IRF2: variants seen among roughly 807,000 people sequenced by gnomAD.
IRF2 encodes the protein interferon regulatory factor 2.
In IRF2, 15 loss-of-function variants were observed where a neutral mutation model predicts 40.6. That is an observed-to-expected ratio of 0.37 (90% CI 0.25 to 0.57). IRF2 has a LOEUF of 0.57. IRF2 is among the 20% of genes least tolerant of loss of function. The probability of loss-of-function intolerance (pLI) is 0.77; values close to 1 mark genes in which losing one functional copy is unlikely to be tolerated. For synonymous variants in IRF2, 151 were observed against 165.5 expected, an observed-to-expected ratio of 0.91 and a Z score of 0.67; for missense variants, 317 against 455.7, an observed-to-expected ratio of 0.70 and a Z score of 2.77.
chr4:184,442,992 C>G (rs1250612301), intron 1 of IRF2, among the ~76,000 whole-genome samples: 1 of 151,352 alleles, frequency 6.6e-6, no homozygotes, highest in Admixed American at 6.5e-5. Flanking sequence ...ATGGCACGAT[C>G]TCTGCTCACT....
At chr4:184,417,427 C>A (rs1737321554) in intron 5 of IRF2, among the ~76,000 whole-genome samples, 1 of 152,232 alleles carries the variant, frequency 6.6e-6, no homozygotes, top group Non-Finnish European at 1.5e-5. Flanking sequence ...TCTCTGAGAT[C>A]CCTGGGTCTG....
At chr4:184,411,440 G>A (rs997720403) in intron 5 of IRF2, among the ~76,000 whole-genome samples, 3 of 152,036 alleles carry the variant, frequency 2.0e-5, no homozygotes, top group East Asian at 1.9e-4. Flanking sequence ...TGGAGGCTAG[G>A]AGAGACTATT....
chr4:184,440,897 T>C (rs1454447665), intron 1 of IRF2, among the ~76,000 whole-genome samples: 1 of 152,144 alleles, frequency 6.6e-6, no homozygotes, highest in South Asian at 2.1e-4. Flanking sequence ...CCTACAGGGT[T>C]GGAGATCTCT....
chr4:184,415,333 T>A (rs780289637), intron 5 of IRF2, among the ~76,000 whole-genome samples: 50 of 152,340 alleles, frequency 3.3e-4, no homozygotes, highest in Non-Finnish European at 6.3e-4. Context: ...CTGAGGTGGC[T>A]CTTGACCCAC....
chr4:184,419,571 G>GAAAAAAAAAAAAAAAAAAAAAAA lies in IRF2; in HGVS notation c.88-4_88-3insTTTTTTTTTTTTTTTTTTTTTTT. 1 of 911,526 alleles carries GAAAAAAAAAAAAAAAAAAAAAAA rather than the reference G, an allele frequency of 1.1e-6. No individual in the cohort carries two copies. The highest frequency in any genetic ancestry group is 1.6e-6 in the Non-Finnish European group (1 of 619,696). The allele number at this position is 911,526 out of a possible 1,614,324, so 56.5% of individuals were successfully genotyped here. On this transcript the variant is annotated splice_polypyrimidine_tract_variant and splice_region_variant and intron_variant, in intron 2 of 8. Coordinates refer to ENST00000393593, the MANE Select transcript of IRF2 (RefSeq NM_002199.4). The stretch of plus-strand genomic sequence containing the variant: ...GGGATCTGAAAAATCTTCTTTTCCT[G>GAAAAAAAAAAAAAAAAAAAAAAA]AAAAAAAAAAAAAAAAAAAAGGTAA...
intron 6 of IRF2, among the ~76,000 whole-genome samples, chr4:184,402,664 T>C (rs1290847167): frequency 6.6e-6 from 1 of 151,840 alleles, no homozygotes; most frequent in Non-Finnish European, 1.5e-5. Context: ...CTGCAGGGGA[T>C]TGTGACAATC....
At chr4:184,440,025 G>T (rs962007508) in intron 1 of IRF2, among the ~76,000 whole-genome samples, 1 of 152,178 alleles carries the variant, frequency 6.6e-6, no homozygotes, top group Admixed American at 6.5e-5. Context: ...TTCTGAGAAA[G>T]GTCCCCACAA....
chr4:184,472,343 CTAT>C (rs1472794975), intron 1 of IRF2: 2 of 152,256 alleles, frequency 1.3e-5, no homozygotes, highest in Non-Finnish European at 2.9e-5. Flanking sequence ...AGCATCAAGA[CTAT>C]CCACCGCCTG....
intron 8 of IRF2, among the ~76,000 whole-genome samples, chr4:184,390,059 C>G (rs1427320620): frequency 6.6e-6 from 1 of 152,200 alleles, no homozygotes; most frequent in Non-Finnish European, 1.5e-5. Flanking sequence ...CATGGGAAAC[C>G]ACTAATTCAA....
chr4:184,428,668 G>C (rs751093618), intron 2 of IRF2: 1 of 472,742 alleles, frequency 2.1e-6, no homozygotes, highest in Non-Finnish European at 4.2e-6. Context: ...GTGTGGTGAC[G>C]TTTACCTGTA....
At chr4:184,416,526 T>C (rs1027863493) in intron 5 of IRF2, among the ~76,000 whole-genome samples, 15 of 152,274 alleles carry the variant, frequency 9.9e-5, no homozygotes, top group African/African-American at 2.6e-4. Flanking sequence ...ACTACACGAA[T>C]GTTATAACAT....
intron 1 of IRF2, among the ~76,000 whole-genome samples, chr4:184,455,268 T>TTCCCTCCCC (rs1738876972): frequency 1.1e-4 from 1 of 9,402 alleles, no homozygotes; most frequent in Non-Finnish European, 2.2e-4. Flanking sequence ...CTTCCCTCCC[T>TTCCCTCCCC]CTCCCTCCCC....
chr4:184,451,470 C>T (rs1390944510), intron 1 of IRF2, among the ~76,000 whole-genome samples: 7 of 152,160 alleles, frequency 4.6e-5, no homozygotes, highest in Non-Finnish European at 1.0e-4. Flanking sequence ...ACAGTAACCC[C>T]ATGGGGTCGT....
intron 1 of IRF2, among the ~76,000 whole-genome samples, chr4:184,447,095 C>G (rs938529992): frequency 1.3e-4 from 20 of 152,190 alleles, no homozygotes; most frequent in African/African-American, 4.8e-4. Flanking sequence ...ATCTTGGTTT[C>G]CAAACACCAT....
In IRF2 at chr4:184,423,422, T is replaced by C. The variant is rs77656320; in HGVS notation, c.88-3854A>G. Among the ~76,000 whole-genome samples, 43 of 152,370 alleles carry C rather than the reference T, an allele frequency of 2.8e-4. 1 individual carries two copies. In the East Asian group the frequency reaches 4.2e-3, roughly 15 times the overall value. ...CTTGGCCCCACATGGAAACTAGTTC[T>C]GTTATCTCCTCTGCCTCTTCTTCCC... On this transcript the variant is annotated intron_variant, in intron 2 of 8. Transcript: ENST00000393593.
intron 1 of IRF2, among the ~76,000 whole-genome samples, chr4:184,462,063 A>G (rs1376785232): frequency 6.6e-6 from 1 of 152,208 alleles, no homozygotes; most frequent in African/African-American, 2.4e-5. Context: ...ATGAACAAAA[A>G]TCCCAGCATC....
At position 184,419,571 on chromosome 4, in the gene IRF2, G is replaced by GAAAAAAA; in HGVS notation, c.88-10_88-4dup. ...GGGATCTGAAAAATCTTCTTTTCCT[G>GAAAAAAA]AAAAAAAAAAAAAAAAAAAAGGTAA... On this transcript the variant is annotated splice_polypyrimidine_tract_variant and splice_region_variant and intron_variant, in intron 2 of 8. Coordinates refer to ENST00000393593, the MANE Select transcript of IRF2 (RefSeq NM_002199.4). 34 of 911,476 alleles carry GAAAAAAA rather than the reference G, an allele frequency of 3.7e-5. No homozygotes were observed. Among genetic ancestry groups the GAAAAAAA allele is most frequent in the Admixed American group, 1.6e-4 (6 of 36,710 alleles). 56.5% of individuals were successfully genotyped at this position (911,476 alleles called of 1,614,324 possible).
At chr4:184,468,343 C>T (rs1739401792) in intron 1 of IRF2, among the ~76,000 whole-genome samples, 1 of 151,996 alleles carries the variant, frequency 6.6e-6, no homozygotes, top group Non-Finnish European at 1.5e-5. Flanking sequence ...AAAAATTAGC[C>T]CGGCGTGGTG....
In IRF2 at chr4:184,428,074, C is replaced by G. The variant is rs375872923; in HGVS notation, c.87+904G>C. 3.9e-5 allele frequency among the ~76,000 whole-genome samples: 6 copies of G among 152,294 alleles called. No individual in the cohort carries two copies. The South Asian group carries it at 1.2e-3, about 32-fold the overall frequency. ...GACATTATCTCTTTCTGATTCACCCCTAACAGCTAGGATCAATTAAATTAA... is the reference window on the plus strand; with the variant it reads ...GACATTATCTCTTTCTGATTCACCCGTAACAGCTAGGATCAATTAAATTAA... On this transcript the variant is annotated intron_variant, in intron 2 of 8. Coordinates refer to ENST00000393593, the MANE Select transcript of IRF2 (RefSeq NM_002199.4).
Sources: allele counts gnomAD v4.1 joint callset (sites outside exome capture counted in the v4.1 genomes callset), GRCh38; gene constraint gnomAD v4.1.1; transcripts MANE v1.5; gene names NCBI Gene and HGNC (gene_info 2026-07-23, HGNC 2026-07-21).